The following NR3C1 variants were observed in gnomAD, a reference collection of about 807,000 sequenced individuals.
NR3C1 encodes glucocorticoid receptor.
A neutral mutation model predicts 74.0 loss-of-function variants in NR3C1; 14 were observed. The observed-to-expected ratio is 0.19, with a 90% confidence interval of 0.12 to 0.30. The LOEUF (loss-of-function observed/expected upper bound fraction) is 0.30. Ranked by LOEUF, NR3C1 falls within the 10% of genes least tolerant of loss-of-function variation. NR3C1 has a pLI of 1.00. For synonymous variants in NR3C1, 308 were observed against 332.5 expected (o/e 0.93, Z 0.80); for missense variants, 695 against 909.8 (o/e 0.76, Z 3.04).
chr5:143,283,337 A>T (rs780386901), intron 7 of NR3C1, among the ~76,000 whole-genome samples: 6 of 152,256 alleles, frequency 3.9e-5, no homozygotes, highest in Non-Finnish European at 7.3e-5. Context: ...AACCTTGAGT[A>T]AATCACTTGA....
chr5:143,408,108 A>C (rs1237804613), upstream of NR3C1, among the ~76,000 whole-genome samples: 2 of 152,230 alleles, frequency 1.3e-5, no homozygotes, highest in East Asian at 3.8e-4. Context: ...ATGAAGGTCT[A>C]AAGCTTTTAT....
chr5:143,364,614 A>G (rs186195562), intron 2 of NR3C1, among the ~76,000 whole-genome samples: 30 of 152,358 alleles, frequency 2.0e-4, no homozygotes, highest in Admixed American at 1.6e-3. Flanking sequence ...ATCTATGACA[A>G]TAACAGCACA....
chr5:143,333,750 G>C (rs1241256383), intron 2 of NR3C1, among the ~76,000 whole-genome samples: 7 of 152,056 alleles, frequency 4.6e-5, no homozygotes, highest in Non-Finnish European at 8.8e-5. Flanking sequence ...CTGGGCGACA[G>C]AGCGAGACTC....
chr5:143,361,325 A>G (rs1254500648), intron 2 of NR3C1, among the ~76,000 whole-genome samples: 1 of 152,232 alleles, frequency 6.6e-6, no homozygotes, highest in Admixed American at 6.5e-5. Context: ...TAAAAAATTA[A>G]TTGCCAGAAG....
intron 4 of NR3C1, among the ~76,000 whole-genome samples, chr5:143,308,931 C>A (rs896093082): frequency 1.3e-5 from 2 of 152,192 alleles, no homozygotes; most frequent in Non-Finnish European, 2.9e-5. Context: ...CCACTACCTT[C>A]ACAGAACTTG....
chr5:143,318,414 T>C (rs1599897015), intron 2 of NR3C1, among the ~76,000 whole-genome samples: 1 of 152,178 alleles, frequency 6.6e-6, no homozygotes, highest in African/African-American at 2.4e-5. Flanking sequence ...ATGTATCTTT[T>C]ACCCATGCAT....
intron 7 of NR3C1, among the ~76,000 whole-genome samples, chr5:143,288,215 T>G (rs1195152521): frequency 6.6e-6 from 1 of 151,588 alleles, no homozygotes; most frequent in African/African-American, 2.4e-5. Flanking sequence ...GCCTCCCAGA[T>G]TCAAGCGATT....
At chr5:143,398,148 G>A (rs536044361) in intron 2 of NR3C1, among the ~76,000 whole-genome samples, 2 of 151,922 alleles carry the variant, frequency 1.3e-5, no homozygotes, top group East Asian at 3.9e-4. Context: ...CCAAAAATTT[G>A]CAATTGAAAA....
intron 2 of NR3C1, among the ~76,000 whole-genome samples, chr5:143,328,013 C>T (rs1300532574): frequency 6.6e-6 from 1 of 152,254 alleles, no homozygotes; most frequent in African/African-American, 2.4e-5. Flanking sequence ...TCCGCATTGC[C>T]CTAGCAGAGG....
At chr5:143,319,678 G>A (rs781664135) in intron 2 of NR3C1, among the ~76,000 whole-genome samples, 4 of 152,112 alleles carry the variant, frequency 2.6e-5, no homozygotes, top group Non-Finnish European at 5.9e-5. Flanking sequence ...GGCGAGGGAT[G>A]CTGCTAACCA....
chr5:143,402,924 C>T (rs1175088715), intron 1 of NR3C1: 1 of 856,950 alleles, frequency 1.2e-6, no homozygotes, highest in African/African-American at 1.8e-5. Flanking sequence ...GAATGAGAGG[C>T]TCGAAGCCCC....
chr5:143,355,549 A>G (rs1830981814), intron 2 of NR3C1, among the ~76,000 whole-genome samples: 2 of 152,192 alleles, frequency 1.3e-5, no homozygotes, highest in Non-Finnish European at 2.9e-5. Flanking sequence ...TCTAAATATC[A>G]TATAACATTT....
chr5:143,384,506 T>A (rs371912954), intron 2 of NR3C1, among the ~76,000 whole-genome samples: 1 of 152,060 alleles, frequency 6.6e-6, no homozygotes, highest in African/African-American at 2.4e-5. Context: ...CAAGAAAAAA[T>A]TGGGATACAG....
chr5:143,386,830 A>ACC (rs1423454375), intron 2 of NR3C1, among the ~76,000 whole-genome samples: 3 of 152,230 alleles, frequency 2.0e-5, no homozygotes, highest in African/African-American at 7.2e-5. Flanking sequence ...TTCTTGGATA[A>ACC]CAGACTGTGT....
intron 2 of NR3C1, among the ~76,000 whole-genome samples, chr5:143,341,903 A>G (rs1388983479): frequency 6.6e-6 from 1 of 152,176 alleles, no homozygotes; most frequent in Non-Finnish European, 1.5e-5. Flanking sequence ...AGCAAAGAAA[A>G]TACAGAGAGG....
intron 2 of NR3C1, among the ~76,000 whole-genome samples, chr5:143,324,574 T>C (rs1159632595): frequency 6.6e-6 from 1 of 152,194 alleles, no homozygotes. Context: ...GACATGGCCA[T>C]GGAGACATTT....
chr5:143,435,184 T>G (rs1160629858), exon 1 of NR3C1: 1 of 985,352 alleles, frequency 1.0e-6, no homozygotes, highest in African/African-American at 1.7e-5. Context: ...TTCACCACTT[T>G]CCCTTTTTTC....
At chr5:143,306,335 A>G (rs1356740871) in intron 4 of NR3C1, among the ~76,000 whole-genome samples, 1 of 151,462 alleles carries the variant, frequency 6.6e-6, no homozygotes, top group African/African-American at 2.4e-5. Flanking sequence ...CACTCTGATG[A>G]ACAAGAGAAT....
At chr5:143,310,540 GA>G (rs1820680481) in intron 3 of NR3C1, among the ~76,000 whole-genome samples, 1 of 152,082 alleles carries the variant, frequency 6.6e-6, no homozygotes, top group Non-Finnish European at 1.5e-5. Context: ...CTCAGATCAA[GA>G]AACAGAACAG....
Sources: allele counts gnomAD v4.1 joint callset (sites outside exome capture counted in the v4.1 genomes callset), GRCh38; gene constraint gnomAD v4.1.1; transcripts MANE v1.5; gene names NCBI Gene and HGNC (gene_info 2026-07-23, HGNC 2026-07-21).